The following TIMP2 variants were observed in gnomAD, a reference collection of about 807,000 sequenced individuals.
TIMP2 encodes metalloproteinase inhibitor 2.
Under a neutral mutation model 24.3 loss-of-function variants are expected in TIMP2, and 5 were observed. The ratio of observed to expected loss-of-function variants is 0.21; its 90% CI spans 0.11 to 0.43. The LOEUF (loss-of-function observed/expected upper bound fraction) is 0.43. Among genes scored for constraint, TIMP2 ranks in the 20% least tolerant of loss-of-function variants. TIMP2 has a pLI of 1.00. For synonymous variants in TIMP2, 130 were observed against 123.2 expected (o/e 1.06, Z -0.37); for missense variants, 221 against 297.5 (o/e 0.74, Z 1.89).
At chr17:78,903,497 C>T (rs1463304119) in intron 1 of TIMP2, among the ~76,000 whole-genome samples, 1 of 152,186 alleles carries the variant, frequency 6.6e-6, no homozygotes, top group Non-Finnish European at 1.5e-5. Flanking sequence ...TCTCTCTGAG[C>T]TGTCAGGCCA....
intron 1 of TIMP2, among the ~76,000 whole-genome samples, chr17:78,915,242 T>G (rs553592332): frequency 2.0e-5 from 3 of 152,268 alleles, no homozygotes; most frequent in African/African-American, 4.8e-5. Flanking sequence ...TTTTTCTAGG[T>G]CATAAACACA....
intron 1 of TIMP2, among the ~76,000 whole-genome samples, chr17:78,895,758 A>G (rs940709058): frequency 1.3e-5 from 2 of 152,068 alleles, no homozygotes; most frequent in Non-Finnish European, 2.9e-5. Flanking sequence ...GGCCACAGGG[A>G]TGTCCAATTA....
Position 78,924,524 on chromosome 17 carries a change from C to G in TIMP2, c.130+435G>C, listed in dbSNP as rs550993282. ...CCCAGCAGAGAAGCCCTTCCCCACC[C>G]AGCCCCAAGCCCAGAGAAGCCCAAC... On this transcript the variant is annotated intron_variant, in intron 1 of 4. Coordinates refer to ENST00000262768, the MANE Select transcript of TIMP2 (RefSeq NM_003255.5). This position sits in a 1 kb window ranked among gnomAD's most constrained non-coding sequence, Gnocchi z 5.3. Among the ~76,000 whole-genome samples the G allele has an allele frequency of 6.6e-6, 1 of 152,306 alleles. No individual in the cohort carries two copies. The highest frequency in any genetic ancestry group is 1.5e-5 in the Non-Finnish European group (1 of 68,008).
At chr17:78,913,901 A>G (rs1269343071) in intron 1 of TIMP2, among the ~76,000 whole-genome samples, 3 of 151,316 alleles carry the variant, frequency 2.0e-5, no homozygotes, top group African/African-American at 7.3e-5. Context: ...CGGGGAAAAA[A>G]AAAAAAAAAA....
At chr17:78,871,935 A>C (rs1014058071) in intron 2 of TIMP2, among the ~76,000 whole-genome samples, 5 of 151,802 alleles carry the variant, frequency 3.3e-5, no homozygotes, top group African/African-American at 9.7e-5. Context: ...GTCATTTCTG[A>C]ATCTATGGGG....
At chr17:78,890,617 C>T (rs1028927124) in intron 1 of TIMP2, 11 of 1,544,508 alleles carry the variant, frequency 7.1e-6, no homozygotes, top group Non-Finnish European at 9.6e-6. Flanking sequence ...GATGTATTTA[C>T]CCCGGGTGGG....
chr17:78,877,650 G>A (rs2069739964), intron 1 of TIMP2, among the ~76,000 whole-genome samples: 1 of 151,952 alleles, frequency 6.6e-6, no homozygotes, highest in African/African-American at 2.4e-5. Context: ...ATTACAGTCT[G>A]CTGAATTCTG....
At chr17:78,895,335 C>T (rs1333927446) in intron 1 of TIMP2, among the ~76,000 whole-genome samples, 1 of 152,082 alleles carries the variant, frequency 6.6e-6, no homozygotes, top group African/African-American at 2.4e-5. Context: ...GATATTTCAC[C>T]AAAGAACATA....
chr17:78,874,642 G>A (rs1399939575), intron 1 of TIMP2, among the ~76,000 whole-genome samples: 3 of 151,962 alleles, frequency 2.0e-5, no homozygotes, highest in Non-Finnish European at 2.9e-5. Flanking sequence ...CAGTGGCACC[G>A]TTTTGGCTCA....
intron 3 of TIMP2, among the ~76,000 whole-genome samples, chr17:78,869,414 C>T (rs1012064161): frequency 7.4e-6 from 1 of 135,842 alleles, no homozygotes; most frequent in Non-Finnish European, 1.6e-5. Flanking sequence ...GACTTTGTCT[C>T]AAAAAAAAAA....
intron 1 of TIMP2, among the ~76,000 whole-genome samples, chr17:78,909,630 G>A (rs1402326332): frequency 1.3e-5 from 2 of 152,120 alleles, no homozygotes; most frequent in Admixed American, 6.6e-5. Context: ...CACCTTCCCA[G>A]TGTTAGAGAG....
intron 3 of TIMP2, among the ~76,000 whole-genome samples, chr17:78,859,678 A>T (rs2069553254): frequency 6.6e-6 from 1 of 151,652 alleles, no homozygotes; most frequent in South Asian, 2.1e-4. Context: ...GAAAATAAAT[A>T]AAAAATAAAT....
At chr17:78,886,163 G>A (rs766833240) in intron 1 of TIMP2, among the ~76,000 whole-genome samples, 3 of 152,188 alleles carry the variant, frequency 2.0e-5, no homozygotes, top group East Asian at 3.8e-4. Flanking sequence ...AGGTGTGACC[G>A]TCCGGGCAGA....
At chr17:78,886,125 G>A (rs2069823110) in intron 1 of TIMP2, among the ~76,000 whole-genome samples, 1 of 152,198 alleles carries the variant, frequency 6.6e-6, no homozygotes, top group African/African-American at 2.4e-5. Flanking sequence ...AGGGCCGGGT[G>A]TCTGGTCCTG....
intron 1 of TIMP2, among the ~76,000 whole-genome samples, chr17:78,880,110 G>A (rs916264244): frequency 6.6e-6 from 1 of 152,096 alleles, no homozygotes; most frequent in African/African-American, 2.4e-5. Context: ...CATGTGCCAG[G>A]GCCAAGGGCT....
At chr17:78,887,634 C>T (rs2069836168) in intron 1 of TIMP2, among the ~76,000 whole-genome samples, 1 of 151,932 alleles carries the variant, frequency 6.6e-6, no homozygotes, top group Admixed American at 6.6e-5. Context: ...ATCCACCTGC[C>T]TCGGCCTCTC....
In TIMP2 at chr17:78,854,819, G is replaced by T; in HGVS notation, c.*848C>A. On this transcript the variant is annotated 3_prime_UTR_variant, in exon 5 of 5. Coordinates refer to ENST00000262768, the MANE Select transcript of TIMP2 (RefSeq NM_003255.5). ...GAACAGGCAAGAAGCAATGGCAACC[G>T]CAGCAGCTAGGGAAGGGACCTTGAG... 6.6e-6 allele frequency: 1 copy of T among 152,196 alleles called. No individual in the cohort carries two copies. Among genetic ancestry groups the T allele is most frequent in the Non-Finnish European group, 1.5e-5 (1 of 68,220 alleles). The allele number at this position is 152,196 out of a possible 1,614,324, so 9.4% of individuals were successfully genotyped here.
At chr17:78,881,540 T>C (rs1296076676) in intron 1 of TIMP2, among the ~76,000 whole-genome samples, 1 of 152,272 alleles carries the variant, frequency 6.6e-6, no homozygotes, top group Non-Finnish European at 1.5e-5. Context: ...CCACACTGCG[T>C]AGACGCAAAC....
chr17:78,868,191 G>A (rs1374867151), intron 3 of TIMP2, among the ~76,000 whole-genome samples: 2 of 152,072 alleles, frequency 1.3e-5, no homozygotes, highest in Non-Finnish European at 2.9e-5. Context: ...TATGATTACA[G>A]TTGCCTTTTG....
Sources: allele counts gnomAD v4.1 joint callset (sites outside exome capture counted in the v4.1 genomes callset), GRCh38; gene constraint gnomAD v4.1.1; non-coding constraint Gnocchi (gnomAD v3.1); transcripts MANE v1.5; gene names NCBI Gene and HGNC (gene_info 2026-07-23, HGNC 2026-07-21).